The following ZNF684 variants were observed in gnomAD, a reference collection of about 807,000 sequenced individuals.
ZNF684 encodes hypothetical protein MGC27466.
In ZNF684, 13 loss-of-function variants were observed where a neutral mutation model predicts 12.8. That is an observed-to-expected ratio of 1.02 (90% CI 0.66 to 1.62). The LOEUF (loss-of-function observed/expected upper bound fraction) is 1.62. ZNF684 is among the 40% of genes most tolerant of loss of function. ZNF684 has a pLI of 0.00. For missense variants in ZNF684, 384 were observed against 446.9 expected (o/e 0.86, Z 1.27); for synonymous variants, 118 against 151.8 (o/e 0.78, Z 1.64).
chr1:40,534,005 G>A (rs1645971337), intron 2 of ZNF684, among the ~76,000 whole-genome samples: 1 of 151,658 alleles, frequency 6.6e-6, no homozygotes, highest in Admixed American at 6.6e-5. Context: ...TGTGTTTTTA[G>A]TAGAGACGGG....
At chr1:40,540,445 C>A in intron 2 of ZNF684, 141 bp from the exon 3 acceptor site, 3 of 882,580 alleles carry the variant, frequency 3.4e-6, no homozygotes, top group Middle Eastern at 2.5e-4. Flanking sequence ...AGCATATTTC[C>A]GAATCAAGCA....
rs547863197 is a variant in ZNF684 at position 40,541,554 on chromosome 1, T to C, written c.143-61T>C. The C allele has an allele frequency of 3.9e-5, 53 of 1,371,122 alleles. No individual in the cohort carries two copies. The South Asian group carries it at 5.8e-4, about 15-fold the overall frequency. The allele number at this position is 1,371,122 out of a possible 1,614,324, so 84.9% of individuals were successfully genotyped here. ...TGAGACTCAAGGAGGTAACCCAAGTTGTGAGCTGGTTGTTTGCCTAGCACT... is the reference window on the plus strand; with the variant it reads ...TGAGACTCAAGGAGGTAACCCAAGTCGTGAGCTGGTTGTTTGCCTAGCACT... On this transcript the variant is annotated intron_variant, in intron 3 of 4. Transcript: ENST00000372699.
intron 2 of ZNF684, among the ~76,000 whole-genome samples, chr1:40,534,891 G>C (rs929863087): frequency 1.3e-5 from 2 of 152,086 alleles, no homozygotes; most frequent in African/African-American, 4.8e-5. Context: ...TACTAGGTAG[G>C]CTAGGGCAGG....
rs1485109510 is a variant in ZNF684, at chr1:40,546,694, G to A, written c.371G>A (p.Ser124Asn). ...ERIHHYNMST[S>N]LNPMRKKSYK... The stretch of plus-strand genomic sequence containing the variant: ...ATCCACCATTATAATATGAGCACAA[G>A]TCTTAATCCAATGAGAAAAAAATCA... The change falls in exon 5 of 5, where the codon AGT (serine) becomes AAT (asparagine). Residue 124 changes from serine to asparagine, a missense_variant. Coordinates refer to ENST00000372699, the MANE Select transcript of ZNF684 (RefSeq NM_152373.4). The A allele has an allele frequency of 5.0e-6, 8 of 1,613,574 alleles. No individual in the cohort carries two copies. Among genetic ancestry groups the A allele is most frequent in the Non-Finnish European group, 5.9e-6 (7 of 1,179,916 alleles).
chr1:40,538,158 A>T (rs1300223631), intron 2 of ZNF684, among the ~76,000 whole-genome samples: 2 of 151,264 alleles, frequency 1.3e-5, no homozygotes, highest in Non-Finnish European at 3.0e-5. Context: ...TACCCAGCTA[A>T]TTTTTTTTTA....
rs910870118 is a variant in ZNF684, at chr1:40,547,300, C to T, written c.977C>T (p.Pro326Leu). The stretch of plus-strand genomic sequence containing the variant: ...CAAAGAATTCATACAGGAGAGAAAC[C>T]TTACAGTTGTATTGAATGTGGCAAA... ...THQRIHTGEK[P>L]YSCIECGKAF... Residue 326 changes from proline to leucine, a missense_variant, in exon 5 of 5, where the codon CCT becomes CTT. By Grantham distance (98) the Pro-to-Leu change is moderately conservative. Coordinates refer to ENST00000372699, the MANE Select transcript of ZNF684 (RefSeq NM_152373.4). 6.2e-7 allele frequency: 1 copy of T among 1,614,166 alleles called. No homozygotes were observed. Among genetic ancestry groups the T allele is most frequent in the Non-Finnish European group, 8.5e-7 (1 of 1,180,038 alleles).
In ZNF684 at chr1:40,539,545, A is replaced by G. The variant is rs561245973; in HGVS notation, c.16-1041A>G. Among the ~76,000 whole-genome samples the G allele has an allele frequency of 5.9e-5, 9 of 152,126 alleles. No homozygotes were observed. The South Asian group carries it at 1.7e-3, about 28-fold the overall frequency. On this transcript the variant is annotated intron_variant, in intron 2 of 4. Transcript: ENST00000372699. ...AAAGAAAAAACGTCGTTGCTGCACC[A>G]TTTTGCAATCCCAGTGTACAGGAGT...
chr1:40,547,396 A>G lies in ZNF684; in HGVS notation c.1073A>G (p.Asn358Ser). Residue 358 changes from asparagine to serine, a missense_variant, in exon 5 of 5, where the codon AAC (asparagine) becomes AGC (serine). Transcript: ENST00000372699. ...THTGEKPYEC[N>S]RCGKAFSQKS... The stretch of plus-strand genomic sequence containing the variant: ...ACAGGAGAGAAGCCCTATGAATGTA[A>G]CAGATGTGGGAAAGCATTTTCCCAG... 6.2e-7 allele frequency: 1 copy of G among 1,613,670 alleles called. No homozygotes were observed. The highest frequency in any genetic ancestry group is 8.5e-7 in the Non-Finnish European group (1 of 1,179,742).
intron 2 of ZNF684, among the ~76,000 whole-genome samples, chr1:40,538,755 G>A (rs571304090): frequency 4.0e-5 from 6 of 150,970 alleles, no homozygotes; most frequent in Non-Finnish European, 7.4e-5. Context: ...GGCTGAGGCA[G>A]GAGAATTGCT....
chr1:40,546,456 G>A, intron 4 of ZNF684, 106 bp from the exon 5 acceptor site: 1 of 1,154,558 alleles, frequency 8.7e-7, no homozygotes, highest in Non-Finnish European at 1.2e-6. Flanking sequence ...GCAAATATAA[G>A]ATTTCTTTCA....
intron 4 of ZNF684, chr1:40,544,759 G>GC: frequency 6.5e-6 from 1 of 153,114 alleles, no homozygotes; most frequent in South Asian, 2.0e-4. Context: ...GACAGCAGCA[G>GC]TGACTATCTT....
intron 2 of ZNF684, among the ~76,000 whole-genome samples, chr1:40,538,459 A>G (rs539465552): frequency 7.2e-5 from 11 of 152,370 alleles, no homozygotes; most frequent in African/African-American, 2.6e-4. Flanking sequence ...AATAACTCTT[A>G]CTATGAACAT....
At position 40,533,183 on chromosome 1, in the gene ZNF684, T is replaced by G; in HGVS notation, c.15+2T>G. 6.2e-7 allele frequency: 1 copy of G among 1,613,586 alleles called. No individual in the cohort carries two copies. Among genetic ancestry groups the G allele is most frequent in the Non-Finnish European group, 8.5e-7 (1 of 1,179,692 alleles). ...CTGCAGAAAATGATCAGCTTCCAGG[T>G]AAGGTATCCATCTATTCATCCAGTT... On this transcript the variant is annotated splice_donor_variant, in intron 2 of 4. Coordinates refer to ENST00000372699, the MANE Select transcript of ZNF684 (RefSeq NM_152373.4). LOFTEE classifies it high-confidence loss of function.
At chr1:40,539,444 C>G (rs1557608656) in intron 2 of ZNF684, among the ~76,000 whole-genome samples, 2 of 152,054 alleles carry the variant, frequency 1.3e-5, no homozygotes, top group South Asian at 4.1e-4. Flanking sequence ...GCTACAATGA[C>G]CCCTGATTGC....
chr1:40,545,655 A>G (rs1185024066), intron 4 of ZNF684, among the ~76,000 whole-genome samples: 2 of 152,196 alleles, frequency 1.3e-5, no homozygotes, highest in African/African-American at 4.8e-5. Context: ...AGCTGGAGCC[A>G]TGACTACAGA....
chr1:40,542,342 C>T (rs1646020720), intron 4 of ZNF684, among the ~76,000 whole-genome samples: 1 of 151,868 alleles, frequency 6.6e-6, no homozygotes, highest in Non-Finnish European at 1.5e-5. Flanking sequence ...TATTCCTTTT[C>T]TTGCATCATA....
chr1:40,547,540 G>T lies in ZNF684; in HGVS notation c.*80G>T. 3.1e-6 allele frequency: 4 copies of T among 1,286,644 alleles called. No individual in the cohort carries two copies. Among genetic ancestry groups the T allele is most frequent in the Non-Finnish European group, 4.1e-6 (4 of 964,272 alleles). 79.7% of individuals were successfully genotyped at this position (1,286,644 alleles called of 1,614,324 possible). ...AATACTAAAGAATTCATGGTGAGAA[G>T]TCTACAATTTAAATGAATTTGGAAG... On this transcript the variant is annotated 3_prime_UTR_variant, in exon 5 of 5. Coordinates refer to ENST00000372699, the MANE Select transcript of ZNF684 (RefSeq NM_152373.4).
chr1:40,544,434 A>C (rs1184848512), intron 4 of ZNF684: 1 of 417,922 alleles, frequency 2.4e-6, no homozygotes, highest in Non-Finnish European at 4.8e-6. Context: ...GCAGTGGCGC[A>C]ATCTCAGCTC....
chr1:40,547,062 C>A lies in ZNF684; in HGVS notation c.739C>A (p.Gln247Lys). 1.2e-6 allele frequency: 2 copies of A among 1,614,114 alleles called. No individual in the cohort carries two copies. Among genetic ancestry groups the A allele is most frequent in the Non-Finnish European group, 1.7e-6 (2 of 1,180,034 alleles). Residue 247 changes from glutamine to lysine, a missense_variant, in exon 5 of 5, where the codon CAA becomes AAA. Physicochemically the swap from Gln to Lys is moderately conservative, Grantham distance 53. Coordinates refer to ENST00000372699, the MANE Select transcript of ZNF684 (RefSeq NM_152373.4). ...HTGEKPYECS[Q>K]CGKTFTWNSS... is the part of the protein sequence containing the mutation. ...TGGAGAGAAGCCTTATGAGTGCAGTCAATGTGGGAAAACATTCACTTGGAA... is the reference window on the plus strand; with the variant it reads ...TGGAGAGAAGCCTTATGAGTGCAGTAAATGTGGGAAAACATTCACTTGGAA...
Sources: allele counts gnomAD v4.1 joint callset (sites outside exome capture counted in the v4.1 genomes callset), GRCh38; gene constraint gnomAD v4.1.1; transcripts MANE v1.5; gene names NCBI Gene and HGNC (gene_info 2026-07-23, HGNC 2026-07-21).